Variants in TENM1 observed in about 807,000 individuals in gnomAD.
TENM1 encodes teneurin-1.
In TENM1, 35 loss-of-function variants were observed where a neutral mutation model predicts 174.8. That is an observed-to-expected ratio of 0.20 (90% CI 0.15 to 0.27). The LOEUF is 0.27. Among genes scored for constraint, TENM1 ranks in the 10% least tolerant of loss-of-function variants. The pLI is 1.00. For synonymous variants in TENM1, 781 were observed against 798.7 expected (o/e 0.98, Z 0.37); for missense variants, 1,633 against 2,130.1 (o/e 0.77, Z 4.59).
exon 17 of TENM1, chrX:124,523,593 A>G: frequency 8.3e-7 from 1 of 1,211,850 alleles, no homozygotes; most frequent in Non-Finnish European, 1.1e-6. Context: ...GATTAAGATG[A>G]CAGAGATGCC....
At chrX:125,156,983 T>C in the TENM1 span, among the ~76,000 whole-genome samples, 1 of 112,026 alleles carries the variant, frequency 8.9e-6, no homozygotes, top group African/African-American at 3.2e-5. Flanking sequence ...GACAAAAGAG[T>C]GTAGCAGTAA....
chrX:125,193,941 C>A, the TENM1 span, among the ~76,000 whole-genome samples: 1 of 110,240 alleles, frequency 9.1e-6, no homozygotes, highest in Non-Finnish European at 1.9e-5. Flanking sequence ...TGTACCACCA[C>A]GCCCAGTTAA....
chrX:124,654,444 C>A (rs992964124), intron 6 of TENM1, among the ~76,000 whole-genome samples: 9 of 112,389 alleles, frequency 8.0e-5, no homozygotes, highest in Admixed American at 6.6e-4. Context: ...ATAGACGATA[C>A]ATATGTATTC....
the TENM1 span, among the ~76,000 whole-genome samples, chrX:124,994,216 C>CTTTTTT: frequency 5.9e-5 from 3 of 50,775 alleles, no homozygotes; most frequent in Non-Finnish European, 1.2e-4. Context: ...AATTGACTGA[C>CTTTTTT]TTTTTTTTTT....
rs1556644350 is a variant in TENM1 at position 124,471,298 on chromosome X, T to TGATAATATATAGTACTATA, written c.3949+10433_3949+10434insTATAGTACTATATATTATC. On this transcript the variant is annotated intron_variant, in intron 22 of 31. Coordinates refer to ENST00000422452, the Ensembl canonical transcript of TENM1. ...TATATATAATATATAGTACTATATATTATAATATATAGTACTATATATTAT... is the reference window on the plus strand; with the variant it reads ...TATATATAATATATAGTACTATATATGATAATATATAGTACTATATATAATATATAGTACTATATATTAT... Among the ~76,000 whole-genome samples the TGATAATATATAGTACTATA allele has an allele frequency of 9.7e-4, 24 of 24,672 alleles. 1 individual carries two copies. The highest frequency in any genetic ancestry group is 1.3e-3 in the Non-Finnish European group (20 of 15,585). The allele number at this position is 24,672 out of a possible 115,157, so 21.4% of individuals were successfully genotyped here.
At chrX:124,936,404 C>T (rs1230876858) in intron 1 of TENM1, among the ~76,000 whole-genome samples, 1 of 111,700 alleles carries the variant, frequency 9.0e-6, no homozygotes. Context: ...GATTACTTCC[C>T]TGGACACACT....
intron 3 of TENM1, among the ~76,000 whole-genome samples, chrX:124,882,231 T>C (rs187519452): frequency 3.2e-4 from 36 of 112,424 alleles, no homozygotes; most frequent in African/African-American, 1.1e-3. Context: ...CTTGATATGA[T>C]GTTGATTTTT....
intron 3 of TENM1, among the ~76,000 whole-genome samples, chrX:124,876,236 A>G (rs113180091): frequency 0.04 from 4,432 of 111,577 alleles, 207 homozygotes; most frequent in African/African-American, 0.14. Flanking sequence ...GAATAAACAC[A>G]TTTGTTAAAT....
At chrX:124,788,026 G>A (rs1021645004) in intron 3 of TENM1, among the ~76,000 whole-genome samples, 2 of 111,258 alleles carry the variant, frequency 1.8e-5, no homozygotes, top group African/African-American at 3.3e-5. Flanking sequence ...GAGCTTGTGC[G>A]GGGCAACTCC....
intron 15 of TENM1, among the ~76,000 whole-genome samples, chrX:124,542,489 T>C (rs771723901): frequency 9.1e-6 from 1 of 109,937 alleles, no homozygotes; most frequent in African/African-American, 3.3e-5. Flanking sequence ...TTGGTCCTAA[T>C]TCTAGAAATT....
chrX:124,531,982 T>C (rs183013424), intron 15 of TENM1, among the ~76,000 whole-genome samples: 180 of 112,106 alleles, frequency 1.6e-3, no homozygotes, highest in African/African-American at 5.2e-3. Flanking sequence ...AAATGACATA[T>C]GGATTGGTTC....
the TENM1 span, among the ~76,000 whole-genome samples, chrX:124,982,616 T>G: frequency 8.9e-6 from 1 of 112,043 alleles, no homozygotes; most frequent in Non-Finnish European, 1.9e-5. Flanking sequence ...AATACTAACT[T>G]AGAATGAAAA....
chrX:125,159,291 A>G, the TENM1 span, among the ~76,000 whole-genome samples: 1 of 112,147 alleles, frequency 8.9e-6, no homozygotes, highest in African/African-American at 3.2e-5. Context: ...AAGGATTTAC[A>G]GGACCCGCAC....
intron 18 of TENM1, among the ~76,000 whole-genome samples, chrX:124,508,935 T>C: frequency 8.9e-6 from 1 of 111,815 alleles, no homozygotes; most frequent in South Asian, 3.8e-4. Flanking sequence ...ATTCAACAAA[T>C]ATGCAATATT....
At chrX:125,195,600 A>G in the TENM1 span, among the ~76,000 whole-genome samples, 1 of 111,677 alleles carries the variant, frequency 9.0e-6, no homozygotes, top group Non-Finnish European at 1.9e-5. Flanking sequence ...TTCTAAACCA[A>G]AAATAAATGG....
At chrX:125,181,146 A>G in the TENM1 span, among the ~76,000 whole-genome samples, 1 of 111,778 alleles carries the variant, frequency 8.9e-6, no homozygotes, top group Non-Finnish European at 1.9e-5. Flanking sequence ...GTGTTTTATG[A>G]ATTATTTGCA....
rs184360962 is a variant in TENM1 at position 124,852,473 on chromosome X, G to T, written c.535+41823C>A. Reference sequence around the variant, plus strand: ...GAATTTGGAACAGAATTGGAGGCAGGGGAGAAGAAGAAGCCTAGAATAAAT... The same window carrying T: ...GAATTTGGAACAGAATTGGAGGCAGTGGAGAAGAAGAAGCCTAGAATAAAT... On this transcript the variant is annotated intron_variant, in intron 3 of 31. Coordinates refer to ENST00000422452, the Ensembl canonical transcript of TENM1. Among the ~76,000 whole-genome samples, 29 of 110,792 alleles carry T rather than the reference G, an allele frequency of 2.6e-4. No homozygotes were observed. In the Admixed American group the frequency reaches 2.8e-3, roughly 11 times the overall value.
the TENM1 span, among the ~76,000 whole-genome samples, chrX:125,061,129 A>C: frequency 9.0e-6 from 1 of 111,182 alleles, no homozygotes; most frequent in African/African-American, 3.3e-5. Context: ...GTGTTATATC[A>C]ATTAATTAAC....
the TENM1 span, among the ~76,000 whole-genome samples, chrX:125,147,809 C>A: frequency 8.9e-6 from 1 of 111,782 alleles, no homozygotes; most frequent in Admixed American, 9.5e-5. Flanking sequence ...CATTATCTTG[C>A]TGATTGGTTA....
Sources: allele counts gnomAD v4.1 joint callset (sites outside exome capture counted in the v4.1 genomes callset), GRCh38; gene constraint gnomAD v4.1.1; transcripts MANE v1.5; gene names NCBI Gene and HGNC (gene_info 2026-07-23, HGNC 2026-07-21).